HSPG2: variants seen among roughly 807,000 people sequenced by gnomAD.
HSPG2 encodes basement membrane-specific heparan sulfate proteoglycan core protein.
HSPG2 carries 278 observed loss-of-function variants against 526.6 expected under a neutral mutation model. The ratio of observed to expected loss-of-function variants is 0.53; its 90% CI spans 0.48 to 0.58. The LOEUF (loss-of-function observed/expected upper bound fraction) is 0.58. HSPG2 is among the 20% of genes least tolerant of loss of function. The pLI, the probability that HSPG2 is intolerant of heterozygous loss-of-function variation, is 0.00. For missense variants in HSPG2, 5,354 were observed against 6,099.5 expected, an observed-to-expected ratio of 0.88 and a Z score of 4.07; for synonymous variants, 2,465 against 2,555.4, an observed-to-expected ratio of 0.96 and a Z score of 1.07.
chr1:21,936,520 G>A (rs2152808962), intron 1 of HSPG2, among the ~76,000 whole-genome samples: 1 of 152,276 alleles, frequency 6.6e-6, no homozygotes, highest in South Asian at 2.1e-4. Flanking sequence ...CTTGACCCAC[G>A]TGGGGCTGGC....
At chr1:21,870,364 G>A in intron 33 of HSPG2, 1 of 913,792 alleles carries the variant, frequency 1.1e-6, no homozygotes, top group Non-Finnish European at 1.3e-6. Context: ...AAGTCCTGGA[G>A]CTAGAGCCAT....
rs1640722150 is a variant in HSPG2, at chr1:21,872,425, T to C, written c.4030-48A>G. The C allele has an allele frequency of 6.6e-7, 1 of 1,513,748 alleles. No individual in the cohort carries two copies. The highest frequency in any genetic ancestry group is 8.9e-7 in the Non-Finnish European group (1 of 1,118,434). 93.8% of individuals were successfully genotyped at this position (1,513,748 alleles called of 1,614,324 possible). On this transcript the variant is annotated intron_variant, in intron 32 of 96. Coordinates refer to ENST00000374695, the MANE Select transcript of HSPG2 (RefSeq NM_005529.7). This position sits in a 1 kb window ranked among gnomAD's most constrained non-coding sequence, Gnocchi z 5.5. ...GCGTCAGCCTGAGCACCGGGGTGCC[T>C]TGGTGGGGGATGGGGCACGGGAGGG...
At chr1:21,841,776 G>A (rs986899109) in intron 69 of HSPG2, 103 bp from the exon 70 acceptor site, 100 of 1,474,152 alleles carry the variant, frequency 6.8e-5, no homozygotes, top group Admixed American at 4.1e-4. Flanking sequence ...CAATCCCTCC[G>A]GCCTGGGTGT....
intron 20 of HSPG2, 66 bp from the exon 21 acceptor site, chr1:21,878,319 A>C: frequency 1.3e-6 from 2 of 1,586,738 alleles, no homozygotes; most frequent in Non-Finnish European, 1.7e-6. Context: ...GGGCAGATAG[A>C]GGAACAGTGG....
At position 21,893,318 on chromosome 1, in the gene HSPG2, A is replaced by G. The variant is rs11808689; in HGVS notation, c.244+2604T>C. On this transcript the variant is annotated intron_variant, in intron 3 of 96. Transcript: ENST00000374695. The surrounding 1 kb of genome is among the most constrained non-coding windows in gnomAD (Gnocchi z 4.3). Reference sequence around the variant, plus strand: ...CTCTGCCCGTCAACACCCCATGGGGAAGAACGCCCGCCAGGGTTCCAGCCC... The same window carrying G: ...CTCTGCCCGTCAACACCCCATGGGGGAGAACGCCCGCCAGGGTTCCAGCCC... 0.015 allele frequency among the ~76,000 whole-genome samples: 2,260 copies of G among 152,218 alleles called. 52 individuals carry two copies. The highest frequency in any genetic ancestry group is 0.05 in the African/African-American group (2,095 of 41,530).
In HSPG2 at chr1:21,896,993, C is replaced by T. The variant is rs552099570; in HGVS notation, c.64-683G>A. Among the ~76,000 whole-genome samples, 9 of 152,308 alleles carry T rather than the reference C, an allele frequency of 5.9e-5. No homozygotes were observed. In the South Asian group the frequency reaches 1.2e-3, roughly 21 times the overall value. On this transcript the variant is annotated intron_variant, in intron 1 of 96. Coordinates refer to ENST00000374695, the MANE Select transcript of HSPG2 (RefSeq NM_005529.7). The stretch of plus-strand genomic sequence containing the variant: ...GGGGACAGGCGTGGTGTCAACTCCA[C>T]GTGACCTCAGGCTGCTGCCGAGCCC...
chr1:21,845,183 T>C (rs889399624), intron 64 of HSPG2, among the ~76,000 whole-genome samples: 9 of 151,974 alleles, frequency 5.9e-5, no homozygotes, highest in Non-Finnish European at 7.4e-5. Flanking sequence ...GAGGTGGAGA[T>C]TGCAGTGAGC....
intron 1 of HSPG2, among the ~76,000 whole-genome samples, chr1:21,910,427 A>G (rs1643599762): frequency 6.6e-6 from 1 of 152,056 alleles, no homozygotes; most frequent in Non-Finnish European, 1.5e-5. Context: ...ACTGCCTGAG[A>G]CCCTCAGAAA....
chr1:21,855,591 G>T lies in HSPG2; in HGVS notation c.5786C>A (p.Ala1929Asp). Residue 1929 changes from alanine to aspartate, a missense_variant, in exon 46 of 97, where the codon GCC (alanine) becomes GAC (aspartate). Transcript: ENST00000374695. ...RLPAVEPTDQ[A>D]QYLCRAHSSA... The stretch of plus-strand genomic sequence containing the variant: ...GCTGTGGGCTCGGCACAAGTACTGG[G>T]CCTGATCCGTGGGCTCGACAGCTGG... 6.3e-7 allele frequency: 1 copy of T among 1,589,708 alleles called. No homozygotes were observed. The highest frequency in any genetic ancestry group is 8.5e-7 in the Non-Finnish European group (1 of 1,170,096).
rs528283331 is a variant in HSPG2 at position 21,853,526 on chromosome 1, G to A, written c.6440-456C>T. On this transcript the variant is annotated intron_variant, in intron 50 of 96. Transcript: ENST00000374695. ...TGGGAGGCTGAGACGGTCGGATCAC[G>A]AGGTCAGGAGATCGAGACCATCCTG... 1.1e-3 allele frequency: 201 copies of A among 185,834 alleles called. 2 individuals carry two copies. The highest frequency in any genetic ancestry group is 1.7e-3 in the Non-Finnish European group (152 of 87,978). The allele number at this position is 185,834 out of a possible 1,614,324, so 11.5% of individuals were successfully genotyped here.
At position 21,864,475 on chromosome 1, in the gene HSPG2, G is replaced by C. The variant is rs1029611762; in HGVS notation, c.4627-262C>G. ...TTTCTGAATTGGCTCCCTGTCTCTG[G>C]TGGGCCCCCTCAAGGGCATGAACTG... On this transcript the variant is annotated intron_variant, in intron 36 of 96. Coordinates refer to ENST00000374695, the MANE Select transcript of HSPG2 (RefSeq NM_005529.7). The surrounding 1 kb of genome is among the most constrained non-coding windows in gnomAD (Gnocchi z 4.8). Among the ~76,000 whole-genome samples the C allele has an allele frequency of 1.3e-5, 2 of 152,172 alleles. No individual in the cohort carries two copies. Among genetic ancestry groups the C allele is most frequent in the African/African-American group, 4.8e-5 (2 of 41,430 alleles).
Position 21,839,754 on chromosome 1 carries a change from T to C in HSPG2, c.9709+68A>G, listed in dbSNP as rs1007542017. On this transcript the variant is annotated intron_variant, in intron 72 of 96. Transcript: ENST00000374695. The surrounding 1 kb of genome is among the most constrained non-coding windows in gnomAD (Gnocchi z 4.5). ...GGCATGACATCATCTCTAGATCACA[T>C]GTGTCTACATTTCAGACCCCAGGGC... is the stretch of plus-strand genomic sequence containing the variant. The C allele has an allele frequency of 5.9e-6, 9 of 1,537,664 alleles. No individual in the cohort carries two copies. Among genetic ancestry groups the C allele is most frequent in the Non-Finnish European group, 8.0e-6 (9 of 1,119,892 alleles).
At position 21,878,971 on chromosome 1, in the gene HSPG2, C is replaced by T. The variant is rs754945875; in HGVS notation, c.2471+23G>A. On this transcript the variant is annotated intron_variant, in intron 18 of 96. Transcript: ENST00000374695. ...TTGCACTGTCCCCAGCCAAACCCCC[C>T]CTGACCCGGAGCTGGGGCTGACCTG... 6.9e-5 allele frequency: 111 copies of T among 1,610,378 alleles called. No individual in the cohort carries two copies. In the African/African-American group the frequency reaches 7.1e-4, roughly 10 times the overall value.
At chr1:21,871,740 G>C (rs1349845095) in intron 33 of HSPG2, among the ~76,000 whole-genome samples, 1 of 152,220 alleles carries the variant, frequency 6.6e-6, no homozygotes, top group Non-Finnish European at 1.5e-5. Flanking sequence ...CTAGCACATA[G>C]TGAGAGCTCA....
rs765910395 is a variant in HSPG2, at chr1:21,847,921, G to A, written c.7873+37C>T. 13 of 1,613,646 alleles carry A rather than the reference G, an allele frequency of 8.1e-6. No homozygotes were observed. The highest frequency in any genetic ancestry group is 2.7e-5 in the African/African-American group (2 of 74,910). ...CGGGGACCTCTCTGCCACCCTCTGC[G>A]CCACTTGTCTGTACCCCCTGCCCTC... is the stretch of plus-strand genomic sequence containing the variant. On this transcript the variant is annotated intron_variant, in intron 60 of 96. Transcript: ENST00000374695. The surrounding 1 kb of genome is among the most constrained non-coding windows in gnomAD (Gnocchi z 4.1).
chr1:21,874,363 G>C, intron 28 of HSPG2, 43 bp downstream of exon 28: 2 of 1,609,344 alleles, frequency 1.2e-6, no homozygotes, highest in Non-Finnish European at 1.7e-6. Flanking sequence ...GCGGGTGGTA[G>C]ACATTTCAGG....
At chr1:21,843,140 C>T (rs1297389987) in intron 66 of HSPG2, among the ~76,000 whole-genome samples, 157 bp downstream of exon 66, 1 of 152,170 alleles carries the variant, frequency 6.6e-6, no homozygotes, top group East Asian at 1.9e-4. Flanking sequence ...GGACCATTGT[C>T]AGACTTGGGA....
chr1:21,858,110 C>A lies in HSPG2; in HGVS notation c.5294-725G>T, dbSNP rs1557731959. Reference sequence around the variant, plus strand: ...CTGGCCTCCCTTCAGAGCCAAGACTCTTGCAGGAGTTGTCCACACTCGCTG... The same window carrying A: ...CTGGCCTCCCTTCAGAGCCAAGACTATTGCAGGAGTTGTCCACACTCGCTG... On this transcript the variant is annotated intron_variant, in intron 42 of 96. Transcript: ENST00000374695. This position sits in a 1 kb window ranked among gnomAD's most constrained non-coding sequence, Gnocchi z 4.2. Among the ~76,000 whole-genome samples, 1 of 152,256 alleles carries A rather than the reference C, an allele frequency of 6.6e-6. No individual in the cohort carries two copies.
At chr1:21,852,591 G>T in intron 52 of HSPG2, 109 bp downstream of exon 52, 1 of 1,476,890 alleles carries the variant, frequency 6.8e-7, no homozygotes, top group Non-Finnish European at 9.4e-7. Flanking sequence ...CCTGCAGCCA[G>T]CTCCGGTGTG....
Sources: gnomAD v4.1 joint callset for allele counts (sites outside exome capture counted in the v4.1 genomes callset) on GRCh38, gnomAD v4.1.1 for gene constraint, Gnocchi (gnomAD v3.1) non-coding constraint, MANE v1.5 for transcripts, NCBI Gene and HGNC (gene_info 2026-07-23, HGNC 2026-07-21) for gene names.